AVEN: variants seen among roughly 807,000 people sequenced by gnomAD.
AVEN encodes cell death regulator Aven.
In AVEN, 41 loss-of-function variants were observed where a neutral mutation model predicts 38.1. The observed-to-expected ratio is 1.08, with a 90% CI of 0.84 to 1.40. The LOEUF (loss-of-function observed/expected upper bound fraction) is 1.40. Ranked by LOEUF, AVEN falls within the 40% of genes most tolerant of loss-of-function variation. The probability of loss-of-function intolerance (pLI) is 0.00; values close to 1 mark genes in which losing one functional copy is unlikely to be tolerated. For synonymous variants in AVEN, 206 were observed against 171.8 expected (o/e 1.20, Z -1.56); for missense variants, 605 against 438.8 (o/e 1.38, Z -3.38).
chr15:33,871,353 G>A (rs187241484), intron 3 of AVEN, among the ~76,000 whole-genome samples: 91 of 152,236 alleles, frequency 6.0e-4, no homozygotes, highest in African/African-American at 1.9e-3. Context: ...AATCACCTGA[G>A]GTTAGGAGTT....
At chr15:34,005,637 C>G in intron 1 of AVEN, among the ~76,000 whole-genome samples, 1 of 152,114 alleles carries the variant, frequency 6.6e-6, no homozygotes, top group East Asian at 1.9e-4. Context: ...ATCCACTCAC[C>G]CACTGTACAG....
At chr15:33,954,473 G>GA (rs1366538382) in intron 2 of AVEN, among the ~76,000 whole-genome samples, 4 of 152,058 alleles carry the variant, frequency 2.6e-5, no homozygotes, top group African/African-American at 4.8e-5. Flanking sequence ...TATGCAGCCA[G>GA]AAAAAAGGAT....
chr15:33,985,382 T>C (rs1567449271), intron 2 of AVEN, among the ~76,000 whole-genome samples: 1 of 150,840 alleles, frequency 6.6e-6, no homozygotes, highest in Non-Finnish European at 1.5e-5. Flanking sequence ...AGTGTTCCTT[T>C]GTTACCAGAA....
At chr15:33,939,307 C>T (rs1032799953) in intron 2 of AVEN, among the ~76,000 whole-genome samples, 14 of 152,164 alleles carry the variant, frequency 9.2e-5, no homozygotes, top group African/African-American at 2.9e-4. Context: ...TAATTAATTA[C>T]AATTCATAAA....
intron 2 of AVEN, among the ~76,000 whole-genome samples, chr15:33,943,910 T>C (rs1206997941): frequency 2.0e-5 from 3 of 152,042 alleles, no homozygotes; most frequent in Non-Finnish European, 4.4e-5. Flanking sequence ...TATACTTCTT[T>C]ATTTTTAGAA....
intron 1 of AVEN, among the ~76,000 whole-genome samples, chr15:34,037,855 AAG>A (rs972561653): frequency 6.6e-6 from 1 of 152,196 alleles, no homozygotes; most frequent in African/African-American, 2.4e-5. Context: ...ATACTTCAGT[AAG>A]AGCAAATTTT....
chr15:33,951,633 C>T (rs1894755919), intron 2 of AVEN, among the ~76,000 whole-genome samples: 1 of 151,680 alleles, frequency 6.6e-6, no homozygotes, highest in South Asian at 2.1e-4. Flanking sequence ...TTTCCCTCCT[C>T]TAACAAATCT....
At chr15:33,999,433 C>A (rs1406000821) in intron 2 of AVEN, among the ~76,000 whole-genome samples, 2 of 152,094 alleles carry the variant, frequency 1.3e-5, no homozygotes, top group Non-Finnish European at 2.9e-5. Context: ...AGTGTGCCAG[C>A]CATTTATTAA....
chr15:34,013,551 T>C (rs1897729839), intron 1 of AVEN, among the ~76,000 whole-genome samples: 1 of 152,210 alleles, frequency 6.6e-6, no homozygotes. Flanking sequence ...CAGTGTTTCC[T>C]GAGTAGTTAC....
downstream of AVEN, chr15:33,858,170 G>A (rs577905075): frequency 6.2e-5 from 27 of 432,792 alleles, no homozygotes; most frequent in Admixed American, 7.7e-5. Flanking sequence ...GCACAGTGGC[G>A]TCATCATTCA....
At chr15:33,877,646 C>T (rs1243778499) in intron 2 of AVEN, among the ~76,000 whole-genome samples, 1 of 152,162 alleles carries the variant, frequency 6.6e-6, no homozygotes, top group Non-Finnish European at 1.5e-5. Flanking sequence ...GAAACCTCAT[C>T]TCTACTAGAA....
chr15:33,953,668 C>A (rs1304024538), intron 2 of AVEN, among the ~76,000 whole-genome samples: 1 of 152,164 alleles, frequency 6.6e-6, no homozygotes, highest in Non-Finnish European at 1.5e-5. Flanking sequence ...AAATGTTAGA[C>A]CTAAAACCAT....
intron 11 of AVEN, chr15:33,860,683 C>T: frequency 6.7e-7 from 1 of 1,499,654 alleles, no homozygotes; most frequent in Non-Finnish European, 9.1e-7. Flanking sequence ...AACTACTAAT[C>T]CCAGCTCTAT....
At position 34,039,110 on chromosome 15, in the gene AVEN, A is replaced by G. The variant is rs1899335553; in HGVS notation, c.-64T>C. On this transcript the variant is annotated 5_prime_UTR_variant, in exon 1 of 6. Transcript: ENST00000306730. ...GCTGCGGCGGAGACGCCCTGGCCCC[A>G]CCGGAAGCGGGCCGCACGGAGGAGC... The G allele has an allele frequency of 9.5e-7, 1 of 1,056,822 alleles. No individual in the cohort carries two copies. The highest frequency in any genetic ancestry group is 1.1e-6 in the Non-Finnish European group (1 of 876,704). The allele number at this position is 1,056,822 out of a possible 1,614,324, so 65.5% of individuals were successfully genotyped here.
At chr15:34,071,710 C>T (rs1900630195) in intron 1 of AVEN, among the ~76,000 whole-genome samples, 1 of 152,166 alleles carries the variant, frequency 6.6e-6, no homozygotes, top group Non-Finnish European at 1.5e-5. Context: ...CCATATAGTG[C>T]ACTGCAGTGG....
In AVEN at chr15:33,866,424, A is replaced by ATGCAACAAGCTGCT; in HGVS notation, c.*175_*188dup. On this transcript the variant is annotated 3_prime_UTR_variant, in exon 6 of 6. Coordinates refer to ENST00000306730, the MANE Select transcript of AVEN (RefSeq NM_020371.3). ...TTAGATTACTAAGCCAGAAAAACAA[A>ATGCAACAAGCTGCT]TGCAACAAGCTGCTTCAATGTATTC... The ATGCAACAAGCTGCT allele has an allele frequency of 1.7e-6, 1 of 586,692 alleles. No homozygotes were observed. The highest frequency in any genetic ancestry group is 2.2e-5 in the South Asian group (1 of 45,454). The allele number at this position is 586,692 out of a possible 1,614,324, so 36.3% of individuals were successfully genotyped here.
chr15:33,920,920 C>T (rs926402069), intron 2 of AVEN, among the ~76,000 whole-genome samples: 1 of 152,078 alleles, frequency 6.6e-6, no homozygotes, highest in Non-Finnish European at 1.5e-5. Context: ...GGACCACAGG[C>T]GCACACCACC....
chr15:33,958,036 T>G (rs1364633327), intron 2 of AVEN, among the ~76,000 whole-genome samples: 1 of 152,204 alleles, frequency 6.6e-6, no homozygotes, highest in East Asian at 1.9e-4. Flanking sequence ...CAGGTGTTTC[T>G]AATGCACACT....
At chr15:34,012,798 G>A (rs995615756) in intron 1 of AVEN, among the ~76,000 whole-genome samples, 1 of 152,196 alleles carries the variant, frequency 6.6e-6, no homozygotes, top group Non-Finnish European at 1.5e-5. Context: ...GATAGGTCAA[G>A]CCTCTGCCCT....
Sources: allele counts gnomAD v4.1 joint callset (sites outside exome capture counted in the v4.1 genomes callset), GRCh38; gene constraint gnomAD v4.1.1; transcripts MANE v1.5; gene names NCBI Gene and HGNC (gene_info 2026-07-23, HGNC 2026-07-21).